Variants in SH3GL2 observed in about 807,000 individuals in gnomAD.
The protein encoded by SH3GL2 is endophilin-A1.
Under a neutral mutation model 46.0 loss-of-function variants are expected in SH3GL2, and 24 were observed. The observed-to-expected ratio is 0.52, with a 90% CI of 0.38 to 0.73. The LOEUF (loss-of-function observed/expected upper bound fraction) is 0.73. Among genes scored for constraint, SH3GL2 ranks in the 30% least tolerant of loss-of-function variants. The pLI is 0.00. For synonymous variants in SH3GL2, 196 were observed against 147.1 expected (o/e 1.33, Z -2.40); for missense variants, 413 against 424.2 (o/e 0.97, Z 0.23).
chr9:17,740,782 TTTAAA>T (rs140860), intron 1 of SH3GL2, among the ~76,000 whole-genome samples: 23,324 of 152,002 alleles, frequency 0.15, 2,038 homozygotes, highest in Admixed American at 0.25. Context: ...TAATCCCTTA[TTTAAA>T]TTATGATTTT....
chr9:17,588,099 C>T (rs1278331229), intron 1 of SH3GL2, among the ~76,000 whole-genome samples: 3 of 152,120 alleles, frequency 2.0e-5, no homozygotes, highest in Non-Finnish European at 2.9e-5. Flanking sequence ...CTTTGTTGCT[C>T]AAAGTCTTTT....
At chr9:17,585,440 T>C (rs1818356458) in intron 1 of SH3GL2, among the ~76,000 whole-genome samples, 5 of 152,198 alleles carry the variant, frequency 3.3e-5, no homozygotes. Flanking sequence ...TCCTGTGTTC[T>C]TTTAGGTAAT....
chr9:17,632,071 CAT>C (rs1364824449), intron 1 of SH3GL2, among the ~76,000 whole-genome samples: 2 of 152,230 alleles, frequency 1.3e-5, no homozygotes, highest in Non-Finnish European at 2.9e-5. Flanking sequence ...CCACATAAAA[CAT>C]AATTTCCTCA....
At chr9:17,691,182 G>A (rs1821068121) in intron 1 of SH3GL2, among the ~76,000 whole-genome samples, 2 of 152,096 alleles carry the variant, frequency 1.3e-5, no homozygotes, top group Admixed American at 1.3e-4. Context: ...GCCAAGGGGT[G>A]ACTGAGTGTT....
At chr9:17,647,909 A>C (rs982586523) in intron 1 of SH3GL2, among the ~76,000 whole-genome samples, 1 of 152,182 alleles carries the variant, frequency 6.6e-6, no homozygotes, top group Non-Finnish European at 1.5e-5. Context: ...CAGTGAGGCC[A>C]GTCCCCCCAC....
At chr9:17,630,674 A>G (rs1348875740) in intron 1 of SH3GL2, among the ~76,000 whole-genome samples, 2 of 152,242 alleles carry the variant, frequency 1.3e-5, no homozygotes, top group Non-Finnish European at 2.9e-5. Flanking sequence ...AGGGCAGGCC[A>G]AAGATGCACT....
intron 1 of SH3GL2, among the ~76,000 whole-genome samples, chr9:17,596,338 G>A (rs1445509678): frequency 3.3e-5 from 5 of 151,960 alleles, no homozygotes; most frequent in African/African-American, 1.2e-4. Context: ...TCTTTTAAAT[G>A]AAGATTTTTT....
At chr9:17,660,284 C>A (rs1820180495) in intron 1 of SH3GL2, among the ~76,000 whole-genome samples, 1 of 152,162 alleles carries the variant, frequency 6.6e-6, no homozygotes, top group Non-Finnish European at 1.5e-5. Flanking sequence ...GATCTGGCAG[C>A]CTTGTGTCTG....
intron 1 of SH3GL2, among the ~76,000 whole-genome samples, chr9:17,719,651 G>A (rs1166603502): frequency 6.6e-6 from 1 of 151,838 alleles, no homozygotes; most frequent in East Asian, 1.9e-4. Flanking sequence ...AATTTATCTT[G>A]GCATGGTGGC....
intron 1 of SH3GL2, among the ~76,000 whole-genome samples, chr9:17,623,626 GA>G (rs1032032877): frequency 4.0e-5 from 6 of 151,438 alleles, no homozygotes; most frequent in African/African-American, 7.3e-5. Flanking sequence ...CAAATTTACA[GA>G]AAAAAATTAC....
At chr9:17,628,421 TGTGTGTGTGTG>T (rs1819338662) in intron 1 of SH3GL2, among the ~76,000 whole-genome samples, 1 of 63,042 alleles carries the variant, frequency 1.6e-5, no homozygotes, top group African/African-American at 7.7e-5. Flanking sequence ...GGTGTGTGTG[TGTGTGTGTGTG>T]TGTGTGTGTG....
chr9:17,738,626 T>TTATATA (rs368436353), intron 1 of SH3GL2, among the ~76,000 whole-genome samples: 4,302 of 74,672 alleles, frequency 0.058, 470 homozygotes, highest in African/African-American at 0.2. Flanking sequence ...TCATGTGATT[T>TTATATA]TATATATATA....
At chr9:17,774,259 G>T (rs1401108160) in intron 3 of SH3GL2, among the ~76,000 whole-genome samples, 1 of 152,010 alleles carries the variant, frequency 6.6e-6, no homozygotes, top group Non-Finnish European at 1.5e-5. Context: ...AATTTTACTT[G>T]TTTACATCCA....
intron 1 of SH3GL2, among the ~76,000 whole-genome samples, chr9:17,716,859 T>G (rs186928403): frequency 3.3e-5 from 5 of 152,246 alleles, no homozygotes; most frequent in Admixed American, 2.0e-4. Flanking sequence ...CTCATTTGTT[T>G]CCTCTCAGTC....
At chr9:17,678,966 C>G (rs572871989) in intron 1 of SH3GL2, among the ~76,000 whole-genome samples, 6 of 152,076 alleles carry the variant, frequency 3.9e-5, no homozygotes, top group South Asian at 2.1e-4. Context: ...ATTTCTGAGG[C>G]CTCTGTTCTG....
intron 1 of SH3GL2, among the ~76,000 whole-genome samples, chr9:17,631,878 T>G (rs1819433794): frequency 1.3e-5 from 2 of 152,224 alleles, no homozygotes; most frequent in Admixed American, 1.3e-4. Flanking sequence ...ATGTTTACTT[T>G]TTGAAATCGA....
chr9:17,709,680 T>TAC (rs3837228), intron 1 of SH3GL2, among the ~76,000 whole-genome samples: 3,122 of 148,238 alleles, frequency 0.021, 54 homozygotes, highest in East Asian at 0.051. Context: ...TTATTTGTAT[T>TAC]ACACACACAC....
intron 1 of SH3GL2, among the ~76,000 whole-genome samples, chr9:17,667,034 C>G (rs1820361610): frequency 2.0e-5 from 3 of 152,188 alleles, no homozygotes; most frequent in South Asian, 4.1e-4. Context: ...GTGATAAATA[C>G]AATTTTTAGA....
At chr9:17,684,867 A>G (rs571289018) in intron 1 of SH3GL2, among the ~76,000 whole-genome samples, 4 of 152,264 alleles carry the variant, frequency 2.6e-5, no homozygotes, top group African/African-American at 9.6e-5. Context: ...AATATAAGTG[A>G]TCTTATTACT....
Sources: gnomAD v4.1 joint callset for allele counts (sites outside exome capture counted in the v4.1 genomes callset) on GRCh38, gnomAD v4.1.1 for gene constraint, MANE v1.5 for transcripts, NCBI Gene and HGNC (gene_info 2026-07-23, HGNC 2026-07-21) for gene names.